Variants in SLC28A3 observed in about 807,000 individuals in gnomAD.
SLC28A3 encodes solute carrier family 28 member 3, also known as concentrative Na(+)-nucleoside cotransporter 3.
In SLC28A3, 68 loss-of-function variants were observed where a neutral mutation model predicts 84.2. The observed-to-expected ratio is 0.81, with a 90% CI of 0.66 to 0.99. SLC28A3 has a LOEUF of 0.99. Ranked by LOEUF, SLC28A3 falls within the 50% of genes least tolerant of loss-of-function variation. The pLI is 0.00. For synonymous variants in SLC28A3, 267 were observed against 303.6 expected, an observed-to-expected ratio of 0.88 and a Z score of 1.25; for missense variants, 712 against 841.5, an observed-to-expected ratio of 0.85 and a Z score of 1.90.
chr9:84,358,900 T>C, the SLC28A3 span, among the ~76,000 whole-genome samples: 2 of 152,176 alleles, frequency 1.3e-5, no homozygotes, highest in African/African-American at 4.8e-5. Flanking sequence ...CCGCCCAGGC[T>C]CAAGTGATCC....
chr9:84,313,523 A>T, intron 1 of SLC28A3, 69 bp from the exon 2 acceptor site: 1 of 1,289,812 alleles, frequency 7.8e-7, no homozygotes, highest in Non-Finnish European at 1.1e-6. Context: ...TTCATGAAAA[A>T]TACCTAGAGG....
chr9:84,324,731 C>T (rs147042616), intron 1 of SLC28A3, among the ~76,000 whole-genome samples: 2 of 152,092 alleles, frequency 1.3e-5, no homozygotes, highest in Non-Finnish European at 2.9e-5. Context: ...GGGAATAGCA[C>T]CCGTCAGTGA....
intron 1 of SLC28A3, among the ~76,000 whole-genome samples, chr9:84,335,998 G>C (rs1346551653): frequency 2.0e-5 from 3 of 151,682 alleles, no homozygotes; most frequent in Non-Finnish European, 4.4e-5. Context: ...CTTCCCAACG[G>C]ATGTCCCAGC....
Position 84,303,719 on chromosome 9 carries a change from T to C in SLC28A3, c.335-1330A>G, listed in dbSNP as rs143402503. ...AGTGGTTCTGGCCAGTCTTGGAGGA[T>C]GCACAGTGAGGGTTTTTGTGTTCTT... On this transcript the variant is annotated intron_variant, in intron 4 of 17. Coordinates refer to ENST00000376238, the MANE Select transcript of SLC28A3 (RefSeq NM_001199633.2). 5.0e-4 allele frequency among the ~76,000 whole-genome samples: 76 copies of C among 152,316 alleles called. 2 individuals are homozygous for C. In the East Asian group the frequency reaches 0.013, roughly 26 times the overall value.
In SLC28A3 at chr9:84,319,825, A is replaced by G. The variant is rs528940931; in HGVS notation, c.61-6371T>C. Among the ~76,000 whole-genome samples the G allele has an allele frequency of 3.8e-4, 58 of 152,082 alleles. 2 individuals carry two copies. In the South Asian group the frequency reaches 0.011, roughly 30 times the overall value. On this transcript the variant is annotated intron_variant, in intron 1 of 17. Transcript: ENST00000376238. ...TCACAGAGAAGCTGTTCTGAGAGCA[A>G]TGTGACCACGCCTTCACTCATGACT...
upstream of SLC28A3, among the ~76,000 whole-genome samples, chr9:84,344,509 C>T (rs1827218977): frequency 6.6e-6 from 1 of 152,000 alleles, no homozygotes; most frequent in Non-Finnish European, 1.5e-5. Flanking sequence ...TTATTTAACC[C>T]TATATATCAT....
At chr9:84,307,166 C>T (rs949621462) in intron 3 of SLC28A3, among the ~76,000 whole-genome samples, 1 of 148,176 alleles carries the variant, frequency 6.7e-6, no homozygotes, top group African/African-American at 2.5e-5. Flanking sequence ...CGCGGTGGCT[C>T]AAGCCTGTAA....
chr9:84,352,022 A>T, the SLC28A3 span, among the ~76,000 whole-genome samples: 1 of 152,204 alleles, frequency 6.6e-6, no homozygotes, highest in Admixed American at 6.5e-5. Flanking sequence ...CATTATATGA[A>T]AACAAAAAGT....
chr9:84,367,693 G>A, the SLC28A3 span, among the ~76,000 whole-genome samples: 1 of 152,136 alleles, frequency 6.6e-6, no homozygotes. Context: ...TGGGGAGAAG[G>A]TCAGCAGGAA....
intron 1 of SLC28A3, among the ~76,000 whole-genome samples, chr9:84,326,633 AAACAAC>A (rs34082643): frequency 0.096 from 14,226 of 148,168 alleles, 1,257 homozygotes; most frequent in African/African-American, 0.24. Flanking sequence ...GATGGATTAA[AAACAAC>A]AACAACAACA....
intron 5 of SLC28A3, among the ~76,000 whole-genome samples, chr9:84,301,513 T>C (rs73482439): frequency 0.02 from 2,983 of 152,268 alleles, 102 homozygotes; most frequent in African/African-American, 0.068. Context: ...TTAAGTTTTA[T>C]TTTGACCATA....
At chr9:84,290,785 G>A (rs1825183659) in intron 10 of SLC28A3, among the ~76,000 whole-genome samples, 2 of 152,066 alleles carry the variant, frequency 1.3e-5, no homozygotes, top group African/African-American at 4.8e-5. Context: ...CACCTTGACA[G>A]ACCCTAAACC....
intron 1 of SLC28A3, among the ~76,000 whole-genome samples, chr9:84,320,053 T>TTTG (rs1826319127): frequency 3.0e-5 from 4 of 132,358 alleles, no homozygotes; most frequent in East Asian, 4.2e-4. Context: ...TTTTTTTTTT[T>TTTG]TTTTTTTTTT....
intron 1 of SLC28A3, among the ~76,000 whole-genome samples, chr9:84,313,936 C>G (rs1483843044): frequency 6.0e-5 from 9 of 151,020 alleles, no homozygotes; most frequent in Middle Eastern, 3.4e-3. Flanking sequence ...TTGTTTTGTT[C>G]TGATACAAAA....
At chr9:84,295,122 C>G (rs1254056874) in intron 8 of SLC28A3, among the ~76,000 whole-genome samples, 1 of 152,126 alleles carries the variant, frequency 6.6e-6, no homozygotes, top group African/African-American at 2.4e-5. Flanking sequence ...TCTTTGGCCG[C>G]TCAAACATGG....
intron 7 of SLC28A3, 128 bp downstream of exon 7, chr9:84,297,778 C>A: frequency 1.3e-6 from 1 of 760,580 alleles, no homozygotes. Flanking sequence ...TTTGTCTAAC[C>A]CATGATGCAG....
At chr9:84,289,421 G>A (rs1040097691) in intron 11 of SLC28A3, among the ~76,000 whole-genome samples, 4 of 152,280 alleles carry the variant, frequency 2.6e-5, no homozygotes, top group Middle Eastern at 3.4e-3. Context: ...CGGGGTGCAC[G>A]CACCAGTTAT....
the SLC28A3 span, among the ~76,000 whole-genome samples, chr9:84,364,374 G>A: frequency 2.0e-3 from 298 of 152,168 alleles, no homozygotes; most frequent in African/African-American, 6.9e-3. Context: ...GGGATTACAG[G>A]CATGAGTCAC....
chr9:84,352,418 C>A, the SLC28A3 span, among the ~76,000 whole-genome samples: 1 of 151,910 alleles, frequency 6.6e-6, no homozygotes, highest in Non-Finnish European at 1.5e-5. Context: ...CTCCTGACCT[C>A]ATGATCCGCC....
Sources: allele counts gnomAD v4.1 joint callset (sites outside exome capture counted in the v4.1 genomes callset), GRCh38; gene constraint gnomAD v4.1.1; transcripts MANE v1.5; gene names NCBI Gene and HGNC (gene_info 2026-07-23, HGNC 2026-07-21).